Variants in COL25A1 observed in about 807,000 individuals in gnomAD.
COL25A1 encodes collagen alpha-1(XXV) chain.
Under a neutral mutation model 128.4 loss-of-function variants are expected in COL25A1, and 103 were observed. The ratio of observed to expected loss-of-function variants is 0.80; its 90% CI spans 0.68 to 0.94. The LOEUF (loss-of-function observed/expected upper bound fraction) is 0.94. COL25A1 is among the 40% of genes least tolerant of loss of function. COL25A1 has a pLI of 0.00. For synonymous variants in COL25A1, 279 were observed against 277.2 expected, an observed-to-expected ratio of 1.01 and a Z score of -0.06; for missense variants, 745 against 840.0, an observed-to-expected ratio of 0.89 and a Z score of 1.40.
At chr4:109,274,307 C>T (rs1578611024) in intron 3 of COL25A1, among the ~76,000 whole-genome samples, 1 of 152,088 alleles carries the variant, frequency 6.6e-6, no homozygotes, top group African/African-American at 2.4e-5. Flanking sequence ...TCACAAATTT[C>T]TAAGCCATAA....
chr4:108,944,483 AT>A (rs1398100147), intron 8 of COL25A1, among the ~76,000 whole-genome samples: 5 of 152,212 alleles, frequency 3.3e-5, no homozygotes, highest in Admixed American at 3.3e-4. Context: ...CAAGAAGTCT[AT>A]GAGGGATCAG....
In COL25A1 at chr4:108,847,330, G is replaced by A. The variant is rs62314570; in HGVS notation, c.1435-1111C>T. Among the ~76,000 whole-genome samples the A allele has an allele frequency of 2.6e-3, 400 of 152,160 alleles. 1 individual carries two copies. The highest frequency in any genetic ancestry group is 4.0e-3 in the Non-Finnish European group (270 of 67,998). On this transcript the variant is annotated intron_variant, in intron 27 of 37. Coordinates refer to ENST00000399132, the MANE Select transcript of COL25A1 (RefSeq NM_198721.4). ...GATGATCATAGTTATTATGGTAAGG[G>A]GCTTCTAGGCTGCACAAACCTGTTT...
intron 3 of COL25A1, among the ~76,000 whole-genome samples, chr4:109,148,051 G>C (rs1478800266): frequency 2.0e-5 from 3 of 152,096 alleles, no homozygotes; most frequent in Non-Finnish European, 4.4e-5. Flanking sequence ...AGTTTTAAAA[G>C]GGCCCAGGGA....
intron 19 of COL25A1, among the ~76,000 whole-genome samples, chr4:108,882,582 TTGTG>T (rs377671759): frequency 1.3e-5 from 2 of 151,346 alleles, no homozygotes; most frequent in Admixed American, 1.3e-4. Flanking sequence ...AAAGCCATCT[TTGTG>T]TGTGTGTGTG....
chr4:109,239,366 A>ATGTG (rs1297332868), intron 3 of COL25A1, among the ~76,000 whole-genome samples: 2 of 113,078 alleles, frequency 1.8e-5, no homozygotes, highest in African/African-American at 7.0e-5. Flanking sequence ...TCTATTATAT[A>ATGTG]TGTGTGTGTA....
intron 8 of COL25A1, among the ~76,000 whole-genome samples, chr4:108,954,146 G>A (rs936997068): frequency 2.0e-5 from 3 of 152,108 alleles, no homozygotes; most frequent in Non-Finnish European, 4.4e-5. Flanking sequence ...ATGATTTGCT[G>A]TTAATGAAAG....
At chr4:108,930,072 GA>G (rs1746544149) in intron 11 of COL25A1, among the ~76,000 whole-genome samples, 1 of 152,122 alleles carries the variant, frequency 6.6e-6, no homozygotes, top group African/African-American at 2.4e-5. Context: ...ATGCTGTGGA[GA>G]AGGGGAGAAG....
At chr4:108,994,398 G>C (rs937920284) in intron 6 of COL25A1, among the ~76,000 whole-genome samples, 1 of 152,332 alleles carries the variant, frequency 6.6e-6, no homozygotes. Flanking sequence ...CAGCTTGATG[G>C]GGGGAGGGGC....
At chr4:109,263,962 T>C (rs1457944017) in intron 3 of COL25A1, among the ~76,000 whole-genome samples, 2 of 152,194 alleles carry the variant, frequency 1.3e-5, no homozygotes, top group Non-Finnish European at 2.9e-5. Flanking sequence ...AGCAAGACAG[T>C]CGCTTCATTC....
At chr4:109,094,144 T>C (rs1440471126) in intron 3 of COL25A1, among the ~76,000 whole-genome samples, 1 of 152,248 alleles carries the variant, frequency 6.6e-6, no homozygotes, top group Admixed American at 6.5e-5. Flanking sequence ...TCTACATATA[T>C]GAAATATCCT....
chr4:109,228,101 C>T (rs182028278), intron 3 of COL25A1, among the ~76,000 whole-genome samples: 3 of 152,228 alleles, frequency 2.0e-5, no homozygotes, highest in Non-Finnish European at 4.4e-5. Flanking sequence ...ACCAATTTGC[C>T]TTCTTTATTT....
chr4:109,099,927 T>G (rs1252398834), intron 3 of COL25A1, among the ~76,000 whole-genome samples: 7 of 152,160 alleles, frequency 4.6e-5, no homozygotes, highest in Non-Finnish European at 1.0e-4. Flanking sequence ...TATGATTTTT[T>G]TCACCTCCAA....
At chr4:108,877,527 G>A (rs1739592349) in intron 19 of COL25A1, among the ~76,000 whole-genome samples, 1 of 152,142 alleles carries the variant, frequency 6.6e-6, no homozygotes, top group East Asian at 1.9e-4. Context: ...ATATAAGATA[G>A]ATACCTTTAA....
At chr4:108,841,954 AG>A (rs1416689849) in intron 30 of COL25A1, among the ~76,000 whole-genome samples, 1 of 152,194 alleles carries the variant, frequency 6.6e-6, no homozygotes, top group Non-Finnish European at 1.5e-5. Flanking sequence ...AATACCTTTG[AG>A]GAGGGAGAAA....
At chr4:109,286,728 A>C (rs2881291) in intron 3 of COL25A1, among the ~76,000 whole-genome samples, 1 of 152,182 alleles carries the variant, frequency 6.6e-6, no homozygotes, top group African/African-American at 2.4e-5. Context: ...AAAATAAAGA[A>C]GTAACCAACC....
intron 3 of COL25A1, among the ~76,000 whole-genome samples, chr4:109,069,013 G>A (rs1263398847): frequency 6.6e-6 from 1 of 151,842 alleles, no homozygotes; most frequent in African/African-American, 2.4e-5. Flanking sequence ...GAATAGCACA[G>A]GCTATGACAC....
At chr4:109,264,455 T>C (rs998649499) in intron 3 of COL25A1, among the ~76,000 whole-genome samples, 2 of 152,186 alleles carry the variant, frequency 1.3e-5, no homozygotes, top group African/African-American at 4.8e-5. Flanking sequence ...ACAATACTGG[T>C]TGGCAGAACT....
intron 13 of COL25A1, among the ~76,000 whole-genome samples, chr4:108,905,564 T>G (rs553685013): frequency 6.6e-6 from 1 of 151,218 alleles, no homozygotes; most frequent in Non-Finnish European, 1.5e-5. Context: ...ATTACTTGTT[T>G]CTTTTTACCT....
At chr4:109,031,175 G>A (rs974181431) in intron 5 of COL25A1, among the ~76,000 whole-genome samples, 1 of 152,124 alleles carries the variant, frequency 6.6e-6, no homozygotes, top group African/African-American at 2.4e-5. Flanking sequence ...GCAGTGGCGC[G>A]ATCTCGGCTC....
Sources: allele counts gnomAD v4.1 joint callset (sites outside exome capture counted in the v4.1 genomes callset), GRCh38; gene constraint gnomAD v4.1.1; transcripts MANE v1.5; gene names NCBI Gene and HGNC (gene_info 2026-07-23, HGNC 2026-07-21).